DOCK8: variants seen among roughly 807,000 people sequenced by gnomAD.
DOCK8 encodes dedicator of cytokinesis protein 8.
In DOCK8, 141 loss-of-function variants were observed where a neutral mutation model predicts 245.6. The ratio of observed to expected loss-of-function variants is 0.57; its 90% CI spans 0.50 to 0.66. The LOEUF is 0.66. DOCK8 is among the 30% of genes least tolerant of loss of function. The pLI is 0.00. For synonymous variants in DOCK8, 1,168 were observed against 970.2 expected, an observed-to-expected ratio of 1.20 and a Z score of -3.79; for missense variants, 2,965 against 2,603.4, an observed-to-expected ratio of 1.14 and a Z score of -3.02.
At chr9:286,365 A>AG (rs2048823504) in intron 2 of DOCK8, 96 bp from the exon 3 acceptor site, 2 of 1,421,316 alleles carry the variant, frequency 1.4e-6, no homozygotes, top group Admixed American at 4.0e-5. Flanking sequence ...GTACTTACTA[A>AG]GTCAAAGGAA....
At chr9:227,604 T>C (rs913371403) in intron 1 of DOCK8, among the ~76,000 whole-genome samples, 2 of 152,294 alleles carry the variant, frequency 1.3e-5, no homozygotes, top group South Asian at 4.1e-4. Flanking sequence ...TTGTTTGTTA[T>C]CTCACCATAA....
intron 14 of DOCK8, among the ~76,000 whole-genome samples, chr9:353,575 A>G (rs948707435): frequency 6.6e-6 from 1 of 152,134 alleles, no homozygotes; most frequent in Admixed American, 6.5e-5. Context: ...TTAGGAAACT[A>G]TTTGCAAAGC....
intron 2 of DOCK8, among the ~76,000 whole-genome samples, chr9:282,413 G>GTTT (rs58014606): frequency 3.3e-4 from 44 of 131,768 alleles, no homozygotes; most frequent in South Asian, 1.9e-3. Context: ...GTTTCGTTTT[G>GTTT]TTTTTTTTTT....
At chr9:421,432 A>T (rs1031695459) in intron 32 of DOCK8, among the ~76,000 whole-genome samples, 7 of 152,294 alleles carry the variant, frequency 4.6e-5, no homozygotes, top group African/African-American at 1.4e-4. Flanking sequence ...GTCTATCCGG[A>T]GCATGGTCAA....
intron 12 of DOCK8, among the ~76,000 whole-genome samples, chr9:337,727 T>C (rs2051380923): frequency 1.3e-5 from 2 of 152,164 alleles, no homozygotes; most frequent in Admixed American, 1.3e-4. Context: ...TGCCAGGGTC[T>C]AGGGATAGAG....
intron 33 of DOCK8, among the ~76,000 whole-genome samples, chr9:425,185 A>G (rs962102158): frequency 6.6e-6 from 1 of 152,124 alleles, no homozygotes; most frequent in Non-Finnish European, 1.5e-5. Context: ...CATTGTTTCT[A>G]CTAGACAGCA....
chr9:451,624 A>T (rs974139387), intron 45 of DOCK8, among the ~76,000 whole-genome samples: 3 of 152,080 alleles, frequency 2.0e-5, no homozygotes, highest in Non-Finnish European at 4.4e-5. Context: ...CCCTGTCTAA[A>T]AAACAAAAAC....
At chr9:345,741 G>C (rs74662433) in intron 14 of DOCK8, among the ~76,000 whole-genome samples, 11,391 of 152,046 alleles carry the variant, frequency 0.075, 656 homozygotes, top group African/African-American at 0.16. Context: ...GTCCTGCGTG[G>C]GGCACCATTC....
chr9:269,544 G>C (rs112349761), intron 1 of DOCK8, among the ~76,000 whole-genome samples: 4,606 of 147,068 alleles, frequency 0.031, 230 homozygotes, highest in African/African-American at 0.11. Flanking sequence ...GTGGGGAAGT[G>C]TGGTTGTCTT....
intron 45 of DOCK8, among the ~76,000 whole-genome samples, chr9:450,714 T>G (rs922311872): frequency 2.0e-5 from 3 of 151,886 alleles, no homozygotes; most frequent in African/African-American, 7.3e-5. Context: ...CCTATTACAT[T>G]CCCAAGATCA....
chr9:387,442 C>CAA (rs139131854), intron 23 of DOCK8, among the ~76,000 whole-genome samples: 4 of 77,096 alleles, frequency 5.2e-5, no homozygotes, highest in African/African-American at 9.5e-5. Flanking sequence ...GACTCCATTT[C>CAA]AAAAAAAAAA....
rs139218812 is a variant in DOCK8 at position 336,493 on chromosome 9, G to T, written c.1286-89G>T. The T allele has an allele frequency of 2.5e-4, 395 of 1,560,206 alleles. 1 individual carries two copies. The highest frequency in any genetic ancestry group is 3.2e-4 in the Non-Finnish European group (363 of 1,136,394). On this transcript the variant is annotated intron_variant, in intron 11 of 47. Coordinates refer to ENST00000432829, the MANE Select transcript of DOCK8 (RefSeq NM_203447.4). ...GCCATATTCAGTGTTCCTGATCAGT[G>T]ACTTTAATCATACATATTGTGAAGT... is the stretch of plus-strand genomic sequence containing the variant.
intron 26 of DOCK8, among the ~76,000 whole-genome samples, chr9:400,165 ACCT>A (rs1441229394): frequency 2.3e-5 from 2 of 86,156 alleles, no homozygotes; most frequent in African/African-American, 4.6e-5. Flanking sequence ...CACCACCACC[ACCT>A]CCACCATCAC....
chr9:273,169 T>C (rs564202628), intron 2 of DOCK8: 3 of 896,936 alleles, frequency 3.3e-6, no homozygotes, highest in African/African-American at 2.3e-5. Flanking sequence ...ATTAATGAAA[T>C]AGTAGTACGA....
intron 30 of DOCK8, 125 bp from the exon 31 acceptor site, chr9:420,276 G>A: frequency 9.7e-7 from 1 of 1,030,862 alleles, no homozygotes; most frequent in South Asian, 1.3e-5. Flanking sequence ...GCCTAGCAGT[G>A]ATGTACAGTC....
At chr9:283,511 A>G (rs577993851) in intron 2 of DOCK8, among the ~76,000 whole-genome samples, 2 of 152,224 alleles carry the variant, frequency 1.3e-5, no homozygotes, top group East Asian at 1.9e-4. Context: ...AATAGCATCC[A>G]TTGTATTCAT....
chr9:463,187 GTCGAAGTTTGCC>G, intron 46 of DOCK8, among the ~76,000 whole-genome samples: 1 of 152,008 alleles, frequency 6.6e-6, no homozygotes. Context: ...GGCCCAGGAG[GTCGAAGTTTGCC>G]ATGAGCTGTG....
Position 328,109 on chromosome 9 carries a change from C to G in DOCK8, c.982C>G (p.Gln328Glu). 1 of 1,614,198 alleles carries G rather than the reference C, an allele frequency of 6.2e-7. No homozygotes were observed. ...AHTPSVAASS[Q>E]ARSAVFSVTY... ...CACGCCTTCAGTGGCCGCATCAAGTCAGGCGAGATCTGCAGTCTTCTCAGT... is the reference window on the plus strand; with the variant it reads ...CACGCCTTCAGTGGCCGCATCAAGTGAGGCGAGATCTGCAGTCTTCTCAGT... The change falls in exon 9 of 48, where the codon CAG becomes GAG. Residue 328 changes from glutamine (Q) to glutamate (E), a missense_variant. Gln to Glu is a conservative substitution (Grantham distance 29). Coordinates refer to ENST00000432829, the MANE Select transcript of DOCK8 (RefSeq NM_203447.4).
At chr9:456,546 C>T (rs1013465501) in intron 46 of DOCK8, 3 of 152,328 alleles carry the variant, frequency 2.0e-5, no homozygotes, top group African/African-American at 7.2e-5. Context: ...CTAGTGCCAC[C>T]ACGGGGCAGC....
Sources: allele counts gnomAD v4.1 joint callset (sites outside exome capture counted in the v4.1 genomes callset), GRCh38; gene constraint gnomAD v4.1.1; transcripts MANE v1.5; gene names NCBI Gene and HGNC (gene_info 2026-07-23, HGNC 2026-07-21).